The following ATP2C2 variants were observed in gnomAD, a reference collection of about 807,000 sequenced individuals.
ATP2C2 encodes the protein calcium-transporting ATPase type 2C member 2.
In ATP2C2, 171 loss-of-function variants were observed where a neutral mutation model predicts 110.8. That is an observed-to-expected ratio of 1.54 (90% CI 1.36 to 1.75). The LOEUF is 1.75. ATP2C2 is among the 40% of genes most tolerant of loss of function. The pLI is 0.00. For synonymous variants in ATP2C2, 804 were observed against 508.4 expected (o/e 1.58, Z -7.82); for missense variants, 1,963 against 1,235.0 (o/e 1.59, Z -8.84).
intron 15 of ATP2C2, among the ~76,000 whole-genome samples, chr16:84,443,580 T>C (rs1909466556): frequency 6.6e-6 from 1 of 152,206 alleles, no homozygotes; most frequent in South Asian, 2.1e-4. Context: ...CTGTTCTCAC[T>C]GGCGAGTGCC....
At position 84,454,905 on chromosome 16, in the gene ATP2C2, G is replaced by A. The variant is rs775900980; in HGVS notation, c.2068G>A (p.Ala690Thr). Residue 690 changes from alanine (A) to threonine (T), a missense_variant, in exon 21 of 27, where the codon GCC becomes ACC. By Grantham distance (58) the Ala-to-Thr change is moderately conservative (BLOSUM62 0). Transcript: ENST00000262429. ...VALKSADIGI[A>T]MGQTGTDVSK... ...CCTGAAGTCTGCAGACATTGGGATC[G>A]CCATGGGGCAGACAGGGACGGACGT... is the stretch of plus-strand genomic sequence containing the variant. The A allele has an allele frequency of 5.6e-6, 9 of 1,613,858 alleles. No individual in the cohort carries two copies. Among genetic ancestry groups the A allele is most frequent in the East Asian group, 4.5e-5 (2 of 44,870 alleles).
intron 4 of ATP2C2, 25 bp from the exon 5 acceptor site, chr16:84,410,543 A>T: frequency 6.2e-7 from 1 of 1,613,096 alleles, no homozygotes; most frequent in South Asian, 1.1e-5. Flanking sequence ...TCTGGTACTG[A>T]CACCCTCCTC....
intron 18 of ATP2C2, 127 bp from the exon 19 acceptor site, chr16:84,453,010 GT>G (rs1910436271): frequency 1.1e-6 from 1 of 910,870 alleles, no homozygotes; most frequent in Non-Finnish European, 1.7e-6. Context: ...GTGCAGCATG[GT>G]AGGTCCTCAG....
At chr16:84,376,602 ATTC>A (rs1240951360) in intron 1 of ATP2C2, among the ~76,000 whole-genome samples, 2 of 151,898 alleles carry the variant, frequency 1.3e-5, no homozygotes, top group East Asian at 1.9e-4. Context: ...GCCCAAGACA[ATTC>A]TTCTTCCAAT....
intron 15 of ATP2C2, among the ~76,000 whole-genome samples, chr16:84,445,737 C>T (rs1388067824): frequency 6.6e-6 from 1 of 152,210 alleles, no homozygotes; most frequent in East Asian, 1.9e-4. Context: ...GGTAGATACA[C>T]TGTATTGTAC....
At chr16:84,397,304 A>G (rs1421135771) in intron 1 of ATP2C2, among the ~76,000 whole-genome samples, 1 of 151,512 alleles carries the variant, frequency 6.6e-6, no homozygotes, top group African/African-American at 2.4e-5. Context: ...GTTATTTAAA[A>G]TGTCCCATAG....
At chr16:84,382,917 G>T in intron 1 of ATP2C2, among the ~76,000 whole-genome samples, 1 of 128,160 alleles carries the variant, frequency 7.8e-6, no homozygotes, top group Middle Eastern at 4.0e-3. Context: ...AAAAAAAAAA[G>T]TAAAGAAAGA....
intron 1 of ATP2C2, among the ~76,000 whole-genome samples, chr16:84,379,167 A>T (rs12930370): frequency 8.3e-5 from 12 of 143,798 alleles, no homozygotes; most frequent in African/African-American, 2.3e-4. Flanking sequence ...CCCCTCTCCT[A>T]CCCTCCCCTC....
At chr16:84,437,729 T>G (rs1240096541) in intron 11 of ATP2C2, among the ~76,000 whole-genome samples, 1 of 152,222 alleles carries the variant, frequency 6.6e-6, no homozygotes, top group Non-Finnish European at 1.5e-5. Context: ...TTGTCCAGGT[T>G]GGTCTCAAAC....
rs563673470 is a variant in ATP2C2 at position 84,463,947 on chromosome 16, G to A, written c.*215G>A. ...TCCCGCTGGCTGTGGGACAGACAGG[G>A]AGGGGCCTGTACAGAAACACCACAC... is the stretch of plus-strand genomic sequence containing the variant. On this transcript the variant is annotated 3_prime_UTR_variant, in exon 27 of 27. Coordinates refer to ENST00000262429, the MANE Select transcript of ATP2C2 (RefSeq NM_014861.4). The A allele has an allele frequency of 1.8e-6, 1 of 553,208 alleles. No homozygotes were observed. Among genetic ancestry groups the A allele is most frequent in the South Asian group, 2.3e-5 (1 of 43,710 alleles). The allele number at this position is 553,208 out of a possible 1,614,324, so 34.3% of individuals were successfully genotyped here. A position where few individuals can be genotyped will look rare whatever the true frequency, so the allele number is the denominator to read the frequency against.
chr16:84,450,426 G>A (rs1851313830), intron 17 of ATP2C2, among the ~76,000 whole-genome samples: 1 of 152,122 alleles, frequency 6.6e-6, no homozygotes, highest in South Asian at 2.1e-4. Context: ...ATGCATCCAG[G>A]GGAAGATGAA....
At chr16:84,452,486 T>C (rs1910377384) in intron 18 of ATP2C2, among the ~76,000 whole-genome samples, 1 of 141,750 alleles carries the variant, frequency 7.1e-6, no homozygotes, top group Non-Finnish European at 1.5e-5. Flanking sequence ...GCAGCCCTTC[T>C]CCTCTAGTTA....
At chr16:84,442,245 G>A (rs970871622) in intron 14 of ATP2C2, among the ~76,000 whole-genome samples, 3 of 151,966 alleles carry the variant, frequency 2.0e-5, no homozygotes, top group African/African-American at 4.8e-5. Context: ...CCCCATTATC[G>A]GTCGCTCCCC....
chr16:84,392,805 G>C (rs1226696321), intron 1 of ATP2C2, among the ~76,000 whole-genome samples: 5 of 151,954 alleles, frequency 3.3e-5, no homozygotes, highest in Non-Finnish European at 5.9e-5. Context: ...GGGGAGGCCG[G>C]GCTGTGTGTC....
At chr16:84,438,960 A>G in intron 11 of ATP2C2, 1 of 591,484 alleles carries the variant, frequency 1.7e-6, no homozygotes, top group East Asian at 3.1e-5. Flanking sequence ...GTCCCTTCCC[A>G]AGAGCGGGGT....
chr16:84,393,608 G>C (rs1056023615), intron 1 of ATP2C2, among the ~76,000 whole-genome samples: 1 of 152,160 alleles, frequency 6.6e-6, no homozygotes, highest in Non-Finnish European at 1.5e-5. Context: ...GAAGGAGCAG[G>C]TGTATTTCCA....
intron 1 of ATP2C2, among the ~76,000 whole-genome samples, chr16:84,393,001 T>A (rs1469134362): frequency 6.6e-6 from 1 of 152,164 alleles, no homozygotes; most frequent in East Asian, 1.9e-4. Flanking sequence ...CGATTTACCC[T>A]GAGTTTGTTT....
chr16:84,394,834 C>T (rs1198172700), intron 1 of ATP2C2, among the ~76,000 whole-genome samples: 1 of 152,120 alleles, frequency 6.6e-6, no homozygotes, highest in Non-Finnish European at 1.5e-5. Flanking sequence ...TTTGCAAGAA[C>T]ATCGCTCATA....
intron 1 of ATP2C2, among the ~76,000 whole-genome samples, chr16:84,371,490 G>C (rs1312133294): frequency 6.6e-6 from 1 of 152,224 alleles, no homozygotes; most frequent in African/African-American, 2.4e-5. Flanking sequence ...GGGCAACAGA[G>C]TGAGACCCTG....
Sources: allele counts gnomAD v4.1 joint callset (sites outside exome capture counted in the v4.1 genomes callset), GRCh38; gene constraint gnomAD v4.1.1; transcripts MANE v1.5; gene names NCBI Gene and HGNC (gene_info 2026-07-23, HGNC 2026-07-21).